The following TMTC1 variants were observed in gnomAD, a reference collection of about 807,000 sequenced individuals.
TMTC1 encodes the protein transmembrane O-mannosyltransferase targeting cadherins 1, also known as protein O-mannosyl-transferase TMTC1.
TMTC1 carries 73 observed loss-of-function variants against 104.8 expected under a neutral mutation model. That is an observed-to-expected ratio of 0.70 (90% confidence interval 0.58 to 0.85). The LOEUF (loss-of-function observed/expected upper bound fraction) is 0.85. Among genes scored for constraint, TMTC1 ranks in the 40% least tolerant of loss-of-function variants. The probability of loss-of-function intolerance (pLI) is 0.00; values close to 1 mark genes in which losing one functional copy is unlikely to be tolerated. For synonymous variants in TMTC1, 434 were observed against 428.7 expected, an observed-to-expected ratio of 1.01 and a Z score of -0.15; for missense variants, 1,035 against 1,096.1, an observed-to-expected ratio of 0.94 and a Z score of 0.79.
intron 6 of TMTC1, among the ~76,000 whole-genome samples, chr12:29,612,394 T>C (rs913659457): frequency 2.0e-5 from 3 of 152,078 alleles, no homozygotes; most frequent in Non-Finnish European, 2.9e-5. Flanking sequence ...AAATGGTTCA[T>C]CCATTCATCT....
intron 6 of TMTC1, among the ~76,000 whole-genome samples, chr12:29,612,353 A>T (rs1592322051): frequency 6.6e-6 from 1 of 152,152 alleles, no homozygotes; most frequent in African/African-American, 2.4e-5. Flanking sequence ...ATTTCTTGTC[A>T]AGTACTCTGA....
rs180877761 is a variant in TMTC1 at position 29,642,912 on chromosome 12, G to A, written c.939-9576C>T. Among the ~76,000 whole-genome samples, 211 of 150,692 alleles carry A rather than the reference G, an allele frequency of 1.4e-3. 2 individuals are homozygous for A. The highest frequency in any genetic ancestry group is 3.8e-3 in the African/African-American group (158 of 41,044). ...TGCACTCCAGCCTGGGTGACAGAGC[G>A]AGACTCCATCTCAAAAAAAAAAACT... On this transcript the variant is annotated intron_variant, in intron 5 of 17. Transcript: ENST00000539277.
Position 29,595,227 on chromosome 12 carries a change from G to A in TMTC1, c.1250+8951C>T, listed in dbSNP as rs1173374491. 2.0e-5 allele frequency among the ~76,000 whole-genome samples: 3 copies of A among 152,100 alleles called. No individual in the cohort carries two copies. The East Asian group carries it at 5.8e-4, about 29-fold the overall frequency. On this transcript the variant is annotated intron_variant, in intron 7 of 17. Coordinates refer to ENST00000539277, the MANE Select transcript of TMTC1 (RefSeq NM_001193451.2). ...AACTAACAGAGTTTGGTAATATTAAGGGCAGAATTCCAGTCCAATAATTTA... is the reference window on the plus strand; with the variant it reads ...AACTAACAGAGTTTGGTAATATTAAAGGCAGAATTCCAGTCCAATAATTTA...
intron 5 of TMTC1, among the ~76,000 whole-genome samples, chr12:29,686,844 A>T (rs906358336): frequency 4.6e-5 from 7 of 152,148 alleles, no homozygotes; most frequent in African/African-American, 1.4e-4. Context: ...CTCTATATAA[A>T]TTATTTGAAG....
intron 5 of TMTC1, among the ~76,000 whole-genome samples, chr12:29,683,463 G>C (rs1418967014): frequency 6.6e-6 from 1 of 152,172 alleles, no homozygotes; most frequent in Non-Finnish European, 1.5e-5. Context: ...AAATCTTGAA[G>C]CATCTGAACT....
At chr12:29,741,973 T>C (rs1942838510) in intron 5 of TMTC1, among the ~76,000 whole-genome samples, 1 of 152,192 alleles carries the variant, frequency 6.6e-6, no homozygotes, top group African/African-American at 2.4e-5. Context: ...GACCACTTTT[T>C]AAAATCAAAG....
chr12:29,573,502 G>A (rs1343646603), intron 8 of TMTC1, among the ~76,000 whole-genome samples: 3 of 152,148 alleles, frequency 2.0e-5, no homozygotes, highest in Non-Finnish European at 2.9e-5. Context: ...GAGTTTATGA[G>A]GGTGAAGAAG....
intron 5 of TMTC1, among the ~76,000 whole-genome samples, chr12:29,720,357 G>A (rs1942204291): frequency 6.6e-6 from 1 of 152,294 alleles, no homozygotes; most frequent in African/African-American, 2.4e-5. Context: ...TAAATATGGT[G>A]CCAGATGGCC....
At chr12:29,543,551 T>C (rs536636065) in intron 10 of TMTC1, among the ~76,000 whole-genome samples, 1 of 152,352 alleles carries the variant, frequency 6.6e-6, no homozygotes, top group African/African-American at 2.4e-5. Context: ...TTAATTACTA[T>C]TCCTTTGTCG....
intron 8 of TMTC1, among the ~76,000 whole-genome samples, chr12:29,576,499 G>A (rs1945826179): frequency 6.6e-6 from 1 of 151,874 alleles, no homozygotes; most frequent in African/African-American, 2.4e-5. Flanking sequence ...TGAACCTGAG[G>A]GACACTATGC....
intron 5 of TMTC1, among the ~76,000 whole-genome samples, chr12:29,717,332 C>T (rs566515418): frequency 4.1e-4 from 63 of 152,228 alleles, no homozygotes; most frequent in Non-Finnish European, 7.1e-4. Context: ...GAGCACTGCC[C>T]TGGACTATAA....
In TMTC1 at chr12:29,536,288, G is replaced by C. The variant is rs770296245; in HGVS notation, c.1706C>G (p.Thr569Ser). The C allele has an allele frequency of 1.2e-6, 2 of 1,611,776 alleles. No homozygotes were observed. Among genetic ancestry groups the C allele is most frequent in the Non-Finnish European group, 1.7e-6 (2 of 1,179,092 alleles). Residue 569 changes from threonine to serine, a missense_variant, in exon 11 of 18, where the codon ACC becomes AGC. Coordinates refer to ENST00000539277, the MANE Select transcript of TMTC1 (RefSeq NM_001193451.2). ...KSQEKKEEAI[T>S]LLKDSIKYGP... ...ATATTTGATGGAATCCTTCAGTAAG[G>C]TGATAGCTTCTTCCTTTTTCTCCTG...
intron 5 of TMTC1, among the ~76,000 whole-genome samples, chr12:29,746,823 T>C (rs768114663): frequency 6.6e-6 from 1 of 152,148 alleles, no homozygotes; most frequent in Non-Finnish European, 1.5e-5. Flanking sequence ...AACCATTATC[T>C]CGCCCACAGA....
chr12:29,707,585 T>C (rs1941783172), intron 5 of TMTC1, among the ~76,000 whole-genome samples: 1 of 152,214 alleles, frequency 6.6e-6, no homozygotes, highest in Non-Finnish European at 1.5e-5. Flanking sequence ...GAAGTCCTGA[T>C]TTTAAGAGCA....
intron 5 of TMTC1, among the ~76,000 whole-genome samples, chr12:29,740,640 T>C (rs540367888): frequency 6.6e-6 from 1 of 152,272 alleles, no homozygotes; most frequent in East Asian, 1.9e-4. Context: ...CTATTAGTTC[T>C]TTCCCTCTAA....
At chr12:29,686,947 T>C (rs1349301325) in intron 5 of TMTC1, among the ~76,000 whole-genome samples, 16 of 152,104 alleles carry the variant, frequency 1.1e-4, no homozygotes. Flanking sequence ...AGAATATGGA[T>C]TATAGCATGT....
At chr12:29,700,139 C>G (rs1045216671) in intron 5 of TMTC1, among the ~76,000 whole-genome samples, 1 of 152,086 alleles carries the variant, frequency 6.6e-6, no homozygotes, top group African/African-American at 2.4e-5. Flanking sequence ...ACCTTAAACT[C>G]CTGCACTCAA....
At chr12:29,725,011 GTTCTTTTTTTTT>G (rs1173533540) in intron 5 of TMTC1, among the ~76,000 whole-genome samples, 2 of 115,728 alleles carry the variant, frequency 1.7e-5, no homozygotes, top group African/African-American at 3.1e-5. Flanking sequence ...TATCTGCCAA[GTTCTTTTTTTTT>G]TTTTTTTTTT....
intron 6 of TMTC1, among the ~76,000 whole-genome samples, chr12:29,622,325 G>A (rs1451635502): frequency 1.3e-5 from 2 of 152,098 alleles, no homozygotes; most frequent in Non-Finnish European, 2.9e-5. Flanking sequence ...ATAATTTAAT[G>A]GTGTTTCCTC....
Sources: allele counts gnomAD v4.1 joint callset (sites outside exome capture counted in the v4.1 genomes callset), GRCh38; gene constraint gnomAD v4.1.1; transcripts MANE v1.5; gene names NCBI Gene and HGNC (gene_info 2026-07-23, HGNC 2026-07-21).